Variants in ARHGAP15 observed in about 807,000 individuals in gnomAD.
ARHGAP15 encodes the protein rho GTPase-activating protein 15.
ARHGAP15 carries 51 observed loss-of-function variants against 63.7 expected under a neutral mutation model. The ratio of observed to expected loss-of-function variants is 0.80; its 90% CI spans 0.64 to 1.01. ARHGAP15 has a LOEUF of 1.01. Ranked by LOEUF, ARHGAP15 falls within the 50% of genes least tolerant of loss-of-function variation. The probability of loss-of-function intolerance (pLI) is 0.00; values close to 1 mark genes in which losing one functional copy is unlikely to be tolerated. For synonymous variants in ARHGAP15, 191 were observed against 193.8 expected (o/e 0.99, Z 0.12); for missense variants, 560 against 564.6 (o/e 0.99, Z 0.08).
intron 11 of ARHGAP15, among the ~76,000 whole-genome samples, chr2:143,618,532 A>G (rs1189753820): frequency 6.6e-6 from 1 of 152,182 alleles, no homozygotes; most frequent in African/African-American, 2.4e-5. Context: ...TGGGAAAGCT[A>G]GGGTGTCTTT....
At chr2:143,217,230 T>C (rs1692791631) in intron 4 of ARHGAP15, among the ~76,000 whole-genome samples, 2 of 152,214 alleles carry the variant, frequency 1.3e-5, no homozygotes, top group African/African-American at 4.8e-5. Context: ...ATGTTAGTTG[T>C]ATAATACAAT....
intron 2 of ARHGAP15, among the ~76,000 whole-genome samples, chr2:143,168,718 T>C (rs1406492722): frequency 1.3e-5 from 2 of 152,012 alleles, no homozygotes; most frequent in African/African-American, 4.8e-5. Context: ...TCATAAAGAA[T>C]CACACAAGGC....
chr2:143,662,932 C>T (rs1361090949), intron 12 of ARHGAP15, among the ~76,000 whole-genome samples: 2 of 145,102 alleles, frequency 1.4e-5, no homozygotes, highest in East Asian at 2.1e-4. Context: ...ACCAACTCTA[C>T]GTCTGATTGG....
At chr2:143,456,005 A>G (rs1245966447) in intron 8 of ARHGAP15, among the ~76,000 whole-genome samples, 9 of 152,054 alleles carry the variant, frequency 5.9e-5, no homozygotes, top group Non-Finnish European at 1.5e-5. Context: ...AATACTACCC[A>G]TTATTTAAGT....
At chr2:143,246,949 T>C (rs1694064709) in intron 5 of ARHGAP15, among the ~76,000 whole-genome samples, 1 of 152,204 alleles carries the variant, frequency 6.6e-6, no homozygotes. Flanking sequence ...AGGGTTTGGA[T>C]TGTGATAAAC....
chr2:143,338,521 G>GA (rs1248650238), intron 6 of ARHGAP15, among the ~76,000 whole-genome samples: 1 of 152,126 alleles, frequency 6.6e-6, no homozygotes, highest in Non-Finnish European at 1.5e-5. Context: ...ATAGAATCAG[G>GA]ATCCTCTATT....
At chr2:143,398,558 A>G (rs891038486) in intron 6 of ARHGAP15, among the ~76,000 whole-genome samples, 7 of 152,096 alleles carry the variant, frequency 4.6e-5, no homozygotes, top group Non-Finnish European at 8.8e-5. Context: ...TGGAATGGAA[A>G]TAAGAGTTGC....
intron 8 of ARHGAP15, among the ~76,000 whole-genome samples, chr2:143,475,401 G>A (rs983931568): frequency 3.3e-5 from 5 of 152,208 alleles, no homozygotes; most frequent in African/African-American, 1.2e-4. Flanking sequence ...TCAGTGCTTC[G>A]CACGCACATT....
intron 2 of ARHGAP15, among the ~76,000 whole-genome samples, chr2:143,175,586 C>A (rs561801598): frequency 6.6e-6 from 1 of 152,114 alleles, no homozygotes; most frequent in Non-Finnish European, 1.5e-5. Flanking sequence ...AGCAGGTATC[C>A]GCATAGCACA....
chr2:143,205,155 C>CA (rs1287019956), intron 3 of ARHGAP15, among the ~76,000 whole-genome samples: 1 of 151,216 alleles, frequency 6.6e-6, no homozygotes, highest in African/African-American at 2.4e-5. Flanking sequence ...CGTGTGGTGG[C>CA]ACTCATCTGT....
chr2:143,185,491 T>TCTGCA (rs1252796235), intron 2 of ARHGAP15, among the ~76,000 whole-genome samples: 2 of 152,182 alleles, frequency 1.3e-5, no homozygotes, highest in Non-Finnish European at 2.9e-5. Context: ...CCTCTAAGAT[T>TCTGCA]CTGCAATATC....
intron 5 of ARHGAP15, among the ~76,000 whole-genome samples, chr2:143,243,009 C>T (rs1452512252): frequency 6.6e-6 from 1 of 152,132 alleles, no homozygotes; most frequent in Non-Finnish European, 1.5e-5. Flanking sequence ...TAACCTATTT[C>T]ATAAAATCCG....
chr2:143,693,002 A>T (rs980175235), intron 12 of ARHGAP15, among the ~76,000 whole-genome samples: 2 of 152,094 alleles, frequency 1.3e-5, no homozygotes, highest in Non-Finnish European at 2.9e-5. Context: ...TCTACTTTGG[A>T]TGCCTGTAAG....
chr2:143,169,137 A>G (rs1476301083), intron 2 of ARHGAP15, among the ~76,000 whole-genome samples: 1 of 152,046 alleles, frequency 6.6e-6, no homozygotes, highest in Non-Finnish European at 1.5e-5. Flanking sequence ...TTTGCTTTCT[A>G]ATTGAGCTGA....
intron 8 of ARHGAP15, among the ~76,000 whole-genome samples, chr2:143,463,540 T>TGGG: frequency 1.4e-3 from 7 of 5,058 alleles, no homozygotes; most frequent in Admixed American, 2.3e-3. Context: ...AACTCCATCT[T>TGGG]GGGGGGTGGG....
chr2:143,487,137 ATAAAT>A (rs1036738173), intron 8 of ARHGAP15, among the ~76,000 whole-genome samples: 18 of 152,360 alleles, frequency 1.2e-4, no homozygotes, highest in Admixed American at 2.0e-4. Flanking sequence ...GAAAGTGAAA[ATAAAT>A]TGTGAATATA....
At chr2:143,418,721 A>G (rs978645939) in intron 6 of ARHGAP15, among the ~76,000 whole-genome samples, 4 of 152,228 alleles carry the variant, frequency 2.6e-5, no homozygotes, top group Non-Finnish European at 5.9e-5. Flanking sequence ...AGGTTGTCCC[A>G]TGAACAATGT....
Position 143,604,678 on chromosome 2 carries a change from T to C in ARHGAP15, c.1004-19455T>C, listed in dbSNP as rs146704474. ...AAATTCATTTGATACATGTATGTTA[T>C]ATATTCCACTAAAATCAAAGAAGAT... On this transcript the variant is annotated intron_variant, in intron 11 of 13. Transcript: ENST00000295095. Among the ~76,000 whole-genome samples the C allele has an allele frequency of 1.4e-3, 215 of 152,304 alleles. 1 individual carries two copies. The highest frequency in any genetic ancestry group is 5.1e-3 in the African/African-American group (213 of 41,572).
intron 3 of ARHGAP15, among the ~76,000 whole-genome samples, chr2:143,215,920 C>T (rs1228947908): frequency 6.6e-6 from 1 of 152,192 alleles, no homozygotes; most frequent in African/African-American, 2.4e-5. Flanking sequence ...TGAAATGTTG[C>T]TATTTTAAAT....
Sources: allele counts gnomAD v4.1 joint callset (sites outside exome capture counted in the v4.1 genomes callset), GRCh38; gene constraint gnomAD v4.1.1; transcripts MANE v1.5; gene names NCBI Gene and HGNC (gene_info 2026-07-23, HGNC 2026-07-21).